Variants in CNTNAP5 observed in about 807,000 individuals in gnomAD.
The protein encoded by CNTNAP5 is contactin-associated protein-like 5.
Under a neutral mutation model 150.2 loss-of-function variants are expected in CNTNAP5, and 72 were observed. The ratio of observed to expected loss-of-function variants is 0.48; its 90% CI spans 0.40 to 0.58. The LOEUF is 0.58. Ranked by LOEUF, CNTNAP5 falls within the 20% of genes least tolerant of loss-of-function variation. The probability of loss-of-function intolerance (pLI) is 0.00; values close to 1 mark genes in which losing one functional copy is unlikely to be tolerated. For missense variants in CNTNAP5, 1,636 were observed against 1,626.2 expected, an observed-to-expected ratio of 1.01 and a Z score of -0.10; for synonymous variants, 672 against 619.8, an observed-to-expected ratio of 1.08 and a Z score of -1.25.
At position 124,876,867 on chromosome 2, in the gene CNTNAP5, A is replaced by G. The variant is rs112992224; in HGVS notation, c.3436+7105A>G. ...GGTAATAAAGTATTTTAGATTCGTT[A>G]ATCTAATTTGACCTTCCGCATCATG... On this transcript the variant is annotated intron_variant, in intron 21 of 23. Coordinates refer to ENST00000682447, the MANE Select transcript of CNTNAP5 (RefSeq NM_001367498.1). Among the ~76,000 whole-genome samples, 667 of 152,110 alleles carry G rather than the reference A, an allele frequency of 4.4e-3. 4 individuals carry two copies. The highest frequency in any genetic ancestry group is 0.014 in the African/African-American group (600 of 41,540).
At chr2:124,438,861 A>G (rs1011619098) in intron 5 of CNTNAP5, among the ~76,000 whole-genome samples, 1 of 152,190 alleles carries the variant, frequency 6.6e-6, no homozygotes, top group Non-Finnish European at 1.5e-5. Flanking sequence ...TTTAAATTAC[A>G]TGACAATCCT....
chr2:124,201,299 T>C (rs1685721437), intron 1 of CNTNAP5, among the ~76,000 whole-genome samples: 1 of 152,188 alleles, frequency 6.6e-6, no homozygotes, highest in South Asian at 2.1e-4. Context: ...TGTAACAATG[T>C]TTAATGATTA....
At chr2:124,713,210 T>G (rs1186492785) in intron 13 of CNTNAP5, among the ~76,000 whole-genome samples, 2 of 124,462 alleles carry the variant, frequency 1.6e-5, no homozygotes, top group Admixed American at 1.5e-4. Context: ...TCCCTTCCTT[T>G]CTTTCTCTGT....
chr2:124,527,869 C>T (rs978371238), intron 10 of CNTNAP5, among the ~76,000 whole-genome samples: 1 of 152,152 alleles, frequency 6.6e-6, no homozygotes, highest in African/African-American at 2.4e-5. Context: ...AAGTCTGCAG[C>T]AGAGGTTCCC....
chr2:124,581,534 AAGGTTAGACAG>A (rs1696412451), intron 11 of CNTNAP5, among the ~76,000 whole-genome samples: 1 of 152,226 alleles, frequency 6.6e-6, no homozygotes, highest in Non-Finnish European at 1.5e-5. Flanking sequence ...AATATTGGTA[AAGGTTAGACAG>A]AGTTCAGGCG....
intron 6 of CNTNAP5, among the ~76,000 whole-genome samples, chr2:124,450,161 CA>C (rs1692929762): frequency 1.3e-5 from 2 of 151,918 alleles, no homozygotes; most frequent in Non-Finnish European, 2.9e-5. Context: ...AGCTAGAGGA[CA>C]ACAGTCGTGT....
chr2:124,746,544 G>T (rs1439054990), intron 13 of CNTNAP5, among the ~76,000 whole-genome samples: 1 of 151,996 alleles, frequency 6.6e-6, no homozygotes, highest in East Asian at 1.9e-4. Flanking sequence ...AACTAATGAT[G>T]TCTTTTTAAA....
intron 3 of CNTNAP5, among the ~76,000 whole-genome samples, chr2:124,309,046 GT>G (rs1157208627): frequency 6.6e-6 from 1 of 152,108 alleles, no homozygotes; most frequent in Admixed American, 6.5e-5. Flanking sequence ...CCCTATATAT[GT>G]TTTTTTCCTA....
At chr2:124,761,644 C>G (rs1197805674) in intron 14 of CNTNAP5, among the ~76,000 whole-genome samples, 1 of 152,064 alleles carries the variant, frequency 6.6e-6, no homozygotes, top group African/African-American at 2.4e-5. Flanking sequence ...TTATTACTAA[C>G]ACAAAGCTGG....
chr2:124,490,846 A>C (rs1302125214), intron 7 of CNTNAP5, among the ~76,000 whole-genome samples: 1 of 152,086 alleles, frequency 6.6e-6, no homozygotes, highest in East Asian at 1.9e-4. Context: ...TTAAAATATA[A>C]ATTAAGTTAC....
chr2:124,561,524 C>T (rs1695892619), intron 10 of CNTNAP5, among the ~76,000 whole-genome samples: 1 of 151,940 alleles, frequency 6.6e-6, no homozygotes, highest in Admixed American at 6.6e-5. Flanking sequence ...AGAGAGAGGA[C>T]CACTTTTTTG....
intron 1 of CNTNAP5, among the ~76,000 whole-genome samples, chr2:124,091,275 G>A (rs531242509): frequency 3.1e-4 from 47 of 152,282 alleles, no homozygotes; most frequent in African/African-American, 1.0e-3. Flanking sequence ...GCAATTTAGG[G>A]TGGGGGCAGG....
intron 19 of CNTNAP5, among the ~76,000 whole-genome samples, chr2:124,854,435 A>C (rs569484158): frequency 6.6e-6 from 1 of 152,330 alleles, no homozygotes; most frequent in Middle Eastern, 3.4e-3. Context: ...ATTTAATGAA[A>C]AACCTATCTT....
At chr2:124,640,687 AG>A (rs1678072351) in intron 12 of CNTNAP5, among the ~76,000 whole-genome samples, 1 of 152,162 alleles carries the variant, frequency 6.6e-6, no homozygotes, top group African/African-American at 2.4e-5. Flanking sequence ...GGCGGGGGGA[AG>A]GTGCAATGTA....
intron 1 of CNTNAP5, among the ~76,000 whole-genome samples, chr2:124,153,236 A>T (rs1428956582): frequency 6.6e-6 from 1 of 152,210 alleles, no homozygotes; most frequent in African/African-American, 2.4e-5. Flanking sequence ...TAGAAAGCAA[A>T]CATGAAGTGG....
Position 124,248,884 on chromosome 2 carries a change from A to G in CNTNAP5, c.381+6491A>G, listed in dbSNP as rs540737088. Reference sequence around the variant, plus strand: ...GGGATAGGATCCAACAGCTGATATCAAAATAAGGAGGATGATCTGCTTAAA... The same window carrying G: ...GGGATAGGATCCAACAGCTGATATCGAAATAAGGAGGATGATCTGCTTAAA... On this transcript the variant is annotated intron_variant, in intron 3 of 23. Coordinates refer to ENST00000682447, the MANE Select transcript of CNTNAP5 (RefSeq NM_001367498.1). Among the ~76,000 whole-genome samples the G allele has an allele frequency of 3.9e-5, 6 of 152,312 alleles. No individual in the cohort carries two copies. The East Asian group carries it at 9.6e-4, about 24-fold the overall frequency.
intron 5 of CNTNAP5, 54 bp from the exon 6 acceptor site, chr2:124,446,699 T>C (rs1692825128): frequency 1.9e-6 from 3 of 1,561,900 alleles, no homozygotes; most frequent in Admixed American, 3.5e-5. Context: ...CATTCTGGTG[T>C]GCAAAGCTGC....
intron 17 of CNTNAP5, among the ~76,000 whole-genome samples, chr2:124,777,846 T>C (rs13404563): frequency 0.015 from 2,251 of 150,656 alleles, 62 homozygotes; most frequent in African/African-American, 0.052. Flanking sequence ...CTGTCTTTTT[T>C]AAAGGAGAAT....
chr2:124,085,864 C>T (rs1558750064), intron 1 of CNTNAP5, among the ~76,000 whole-genome samples: 1 of 152,150 alleles, frequency 6.6e-6, no homozygotes, highest in Non-Finnish European at 1.5e-5. Flanking sequence ...ATAATACACG[C>T]TACTTGATTT....
Sources: allele counts gnomAD v4.1 joint callset (sites outside exome capture counted in the v4.1 genomes callset), GRCh38; gene constraint gnomAD v4.1.1; transcripts MANE v1.5; gene names NCBI Gene and HGNC (gene_info 2026-07-23, HGNC 2026-07-21).